SPAG16: variants seen among roughly 807,000 people sequenced by gnomAD.
The protein encoded by SPAG16 is sperm associated antigen 16, also known as sperm-associated antigen 16 protein.
Under a neutral mutation model 80.4 loss-of-function variants are expected in SPAG16, and 86 were observed. The ratio of observed to expected loss-of-function variants is 1.07; its 90% CI spans 0.90 to 1.28. The LOEUF is 1.28. Ranked by LOEUF, SPAG16 falls within the 50% of genes most tolerant of loss-of-function variation. SPAG16 has a pLI of 0.00. For synonymous variants in SPAG16, 294 were observed against 265.9 expected (o/e 1.11, Z -1.03); for missense variants, 870 against 765.3 (o/e 1.14, Z -1.61).
chr2:213,462,789 A>G (rs1425771813), intron 9 of SPAG16, among the ~76,000 whole-genome samples: 1 of 152,118 alleles, frequency 6.6e-6, no homozygotes, highest in East Asian at 1.9e-4. Flanking sequence ...TTTATAAATA[A>G]CCCAGTCTCG....
intron 10 of SPAG16, among the ~76,000 whole-genome samples, chr2:213,502,753 A>C (rs929606364): frequency 2.0e-5 from 3 of 152,236 alleles, no homozygotes; most frequent in Non-Finnish European, 4.4e-5. Context: ...TCCATTTTAC[A>C]GAGGAGTATA....
At chr2:213,919,367 T>A (rs1349215991) in intron 11 of SPAG16, among the ~76,000 whole-genome samples, 1 of 152,210 alleles carries the variant, frequency 6.6e-6, no homozygotes. Context: ...GTCCATTTAG[T>A]TGTGATGTTA....
chr2:214,252,760 G>T (rs571729612), intron 15 of SPAG16, among the ~76,000 whole-genome samples: 1 of 152,244 alleles, frequency 6.6e-6, no homozygotes, highest in Admixed American at 6.5e-5. Context: ...AAACATAAGT[G>T]TGCGTGTGTC....
chr2:213,546,595 A>G (rs1030967054), intron 10 of SPAG16, among the ~76,000 whole-genome samples: 1 of 152,208 alleles, frequency 6.6e-6, no homozygotes, highest in Non-Finnish European at 1.5e-5. Flanking sequence ...ATAAACAAAT[A>G]AAAACTATAT....
chr2:214,338,292 G>C (rs1271608971), intron 15 of SPAG16, among the ~76,000 whole-genome samples: 1 of 152,060 alleles, frequency 6.6e-6, no homozygotes, highest in Non-Finnish European at 1.5e-5. Context: ...GAGGCAGGCA[G>C]ATGATCAGGT....
intron 10 of SPAG16, among the ~76,000 whole-genome samples, chr2:213,856,077 A>G (rs144721121): frequency 1.3e-5 from 2 of 152,198 alleles, no homozygotes; most frequent in South Asian, 4.1e-4. Flanking sequence ...CAAGTTAGTT[A>G]CTTCCTAGAC....
chr2:213,694,653 G>A (rs764023326), intron 10 of SPAG16, among the ~76,000 whole-genome samples: 1 of 152,062 alleles, frequency 6.6e-6, no homozygotes, highest in Non-Finnish European at 1.5e-5. Flanking sequence ...ACCAGGAAGT[G>A]TTCCATGTCT....
chr2:213,768,026 G>C (rs1429438966), intron 10 of SPAG16, among the ~76,000 whole-genome samples: 1 of 152,042 alleles, frequency 6.6e-6, no homozygotes, highest in African/African-American at 2.4e-5. Context: ...GGCAATGGTG[G>C]GTAAGTTTGA....
At chr2:213,839,026 C>A (rs1200490846) in intron 10 of SPAG16, among the ~76,000 whole-genome samples, 1 of 152,156 alleles carries the variant, frequency 6.6e-6, no homozygotes, top group Non-Finnish European at 1.5e-5. Flanking sequence ...GGTGTTTTAG[C>A]TTTCCAAGGT....
intron 15 of SPAG16, among the ~76,000 whole-genome samples, chr2:214,347,584 G>A (rs1698137901): frequency 6.6e-6 from 1 of 152,086 alleles, no homozygotes; most frequent in Non-Finnish European, 1.5e-5. Context: ...CTTAAGTAAT[G>A]TTAAGGGCAT....
At chr2:213,609,650 T>G (rs879765851) in intron 10 of SPAG16, among the ~76,000 whole-genome samples, 2 of 152,174 alleles carry the variant, frequency 1.3e-5, no homozygotes, top group Non-Finnish European at 2.9e-5. Context: ...AGCTGTCCCC[T>G]CTGGGCATTT....
chr2:213,758,296 A>T (rs75564639), intron 10 of SPAG16: 4,258 of 152,310 alleles, frequency 0.028, 141 homozygotes, highest in African/African-American at 0.081. Flanking sequence ...ATGTTATTAG[A>T]TCCAAAATCA....
intron 13 of SPAG16, among the ~76,000 whole-genome samples, chr2:214,049,680 G>C (rs905208999): frequency 1.3e-5 from 2 of 152,194 alleles, no homozygotes; most frequent in Non-Finnish European, 2.9e-5. Context: ...CCATGGCAGA[G>C]CTGGGGACCA....
At chr2:213,404,544 TA>T (rs1226811336) in intron 9 of SPAG16, among the ~76,000 whole-genome samples, 1 of 152,078 alleles carries the variant, frequency 6.6e-6, no homozygotes, top group Non-Finnish European at 1.5e-5. Context: ...TCACACCTTA[TA>T]AAAAAATTAA....
intron 10 of SPAG16, among the ~76,000 whole-genome samples, chr2:213,694,042 CAAA>C (rs68152101): frequency 1.6e-5 from 2 of 121,364 alleles, no homozygotes. Context: ...TTATGCAAGA[CAAA>C]AAAAAAAAAG....
chr2:213,453,807 C>G (rs1425256310), intron 9 of SPAG16, among the ~76,000 whole-genome samples: 1 of 152,120 alleles, frequency 6.6e-6, no homozygotes, highest in African/African-American at 2.4e-5. Flanking sequence ...TGGAAGAAGA[C>G]AGCATATGAA....
intron 15 of SPAG16, among the ~76,000 whole-genome samples, chr2:214,364,242 T>A (rs1421314171): frequency 6.6e-6 from 1 of 152,094 alleles, no homozygotes; most frequent in Non-Finnish European, 1.5e-5. Flanking sequence ...TACCAGATTC[T>A]CAATAAATAT....
intron 15 of SPAG16, among the ~76,000 whole-genome samples, chr2:214,347,359 T>TA (rs1698122521): frequency 6.6e-6 from 1 of 151,302 alleles, no homozygotes; most frequent in Non-Finnish European, 1.5e-5. Context: ...GTTTTTTTTT[T>TA]AGTAGAATTT....
chr2:214,201,576 T>C (rs2058010921), intron 15 of SPAG16, among the ~76,000 whole-genome samples: 1 of 152,218 alleles, frequency 6.6e-6, no homozygotes, highest in Admixed American at 6.5e-5. Context: ...TTCATATATT[T>C]AAATGCATCA....
Sources: gnomAD v4.1 joint callset for allele counts (sites outside exome capture counted in the v4.1 genomes callset) on GRCh38, gnomAD v4.1.1 for gene constraint, MANE v1.5 for transcripts, NCBI Gene and HGNC (gene_info 2026-07-23, HGNC 2026-07-21) for gene names.